The following FGF12 variants were observed in gnomAD, a reference collection of about 807,000 sequenced individuals.
The protein encoded by FGF12 is fibroblast growth factor 12B.
FGF12 carries 14 observed loss-of-function variants against 23.6 expected under a neutral mutation model. The observed-to-expected ratio is 0.59, with a 90% CI of 0.39 to 0.93. The LOEUF is 0.93. FGF12 is among the 40% of genes least tolerant of loss of function. The pLI, the probability that FGF12 is intolerant of heterozygous loss-of-function variation, is 0.00. For missense variants in FGF12, 175 were observed against 217.8 expected (o/e 0.80, Z 1.24); for synonymous variants, 62 against 77.3 (o/e 0.80, Z 1.04).
chr3:192,425,147 C>A (rs1560107451), intron 2 of FGF12, among the ~76,000 whole-genome samples: 1 of 152,184 alleles, frequency 6.6e-6, no homozygotes, highest in Non-Finnish European at 1.5e-5. Context: ...TGGGCACTTA[C>A]CACATGCCAA....
intron 2 of FGF12, among the ~76,000 whole-genome samples, chr3:192,604,637 C>T (rs543974108): frequency 6.6e-6 from 1 of 152,306 alleles, no homozygotes; most frequent in Non-Finnish European, 1.5e-5. Context: ...CTGCCCAGAG[C>T]AATCTACAGA....
intron 2 of FGF12, among the ~76,000 whole-genome samples, chr3:192,520,742 C>A (rs1295424329): frequency 1.3e-5 from 2 of 152,086 alleles, no homozygotes; most frequent in Non-Finnish European, 2.9e-5. Context: ...CCCTCATTAT[C>A]CCTCCTGGCC....
intron 3 of FGF12, among the ~76,000 whole-genome samples, chr3:192,337,273 G>C (rs973828569): frequency 6.6e-6 from 1 of 152,142 alleles, no homozygotes; most frequent in African/African-American, 2.4e-5. Flanking sequence ...AGTATTCATG[G>C]AATGCCTTAC....
At chr3:192,372,353 T>C (rs1379803547) in intron 2 of FGF12, among the ~76,000 whole-genome samples, 1 of 151,816 alleles carries the variant, frequency 6.6e-6, no homozygotes, top group Admixed American at 6.6e-5. Context: ...TTATTATGGT[T>C]GTTAAATGTG....
At chr3:192,706,525 T>C (rs1462082571) in intron 2 of FGF12, among the ~76,000 whole-genome samples, 8 of 152,088 alleles carry the variant, frequency 5.3e-5, no homozygotes, top group Non-Finnish European at 1.2e-4. Flanking sequence ...TTTACTCATC[T>C]AGAACTAACT....
chr3:192,716,163 G>T (rs1230941460), intron 2 of FGF12, among the ~76,000 whole-genome samples: 1 of 152,152 alleles, frequency 6.6e-6, no homozygotes, highest in African/African-American at 2.4e-5. Context: ...AAACTCAAAA[G>T]CCCGGGCTAA....
At chr3:192,483,320 T>C (rs1723533535) in intron 2 of FGF12, among the ~76,000 whole-genome samples, 1 of 152,188 alleles carries the variant, frequency 6.6e-6, no homozygotes, top group Non-Finnish European at 1.5e-5. Flanking sequence ...CACCACTAGC[T>C]GTCATCCTTC....
intron 4 of FGF12, among the ~76,000 whole-genome samples, chr3:192,263,070 CTATTT>C (rs1174322925): frequency 6.6e-6 from 1 of 152,000 alleles, no homozygotes; most frequent in East Asian, 1.9e-4. Flanking sequence ...ATTCTCTGAG[CTATTT>C]AAGCATAGGA....
At chr3:192,650,824 A>T (rs2108675848) in intron 2 of FGF12, among the ~76,000 whole-genome samples, 1 of 152,314 alleles carries the variant, frequency 6.6e-6, no homozygotes, top group Admixed American at 6.5e-5. Flanking sequence ...GAAAATTATG[A>T]CTTTACATAT....
chr3:192,652,235 T>C (rs971122047), intron 2 of FGF12, among the ~76,000 whole-genome samples: 11 of 152,206 alleles, frequency 7.2e-5, no homozygotes, highest in Admixed American at 5.2e-4. Flanking sequence ...CAATTCATCA[T>C]GTTCATGAGA....
chr3:192,461,249 C>T (rs1408827675), intron 2 of FGF12, among the ~76,000 whole-genome samples: 1 of 152,092 alleles, frequency 6.6e-6, no homozygotes, highest in South Asian at 2.1e-4. Flanking sequence ...AAAAAATGAT[C>T]CACATGCACA....
rs1178637161 is a variant in FGF12, at chr3:192,143,545, C to G, written c.*464G>C. 6.6e-6 allele frequency: 1 copy of G among 152,580 alleles called. No individual in the cohort carries two copies. The highest frequency in any genetic ancestry group is 1.5e-5 in the Non-Finnish European group (1 of 68,356). 9.5% of individuals were successfully genotyped at this position (152,580 alleles called of 1,614,324 possible). ...TGTAATGGTGTGTCAATTCCAGATG[C>G]CCAAATAAAATACAAAATCAAGCAA... On this transcript the variant is annotated 3_prime_UTR_variant, in exon 6 of 6. Coordinates refer to ENST00000445105, the MANE Select transcript of FGF12 (RefSeq NM_004113.6).
intron 2 of FGF12, among the ~76,000 whole-genome samples, chr3:192,621,690 CAAA>C (rs5855441): frequency 3.2e-4 from 30 of 94,370 alleles, no homozygotes; most frequent in East Asian, 1.1e-3. Flanking sequence ...GATACAAATA[CAAA>C]AAAAAAAAAA....
At chr3:192,425,628 C>T (rs897846988) in intron 2 of FGF12, among the ~76,000 whole-genome samples, 1 of 151,994 alleles carries the variant, frequency 6.6e-6, no homozygotes, top group Admixed American at 6.6e-5. Context: ...CTTATTGGGT[C>T]AAGAAAATAA....
chr3:192,283,869 C>T (rs954333786), intron 4 of FGF12, among the ~76,000 whole-genome samples: 3 of 152,086 alleles, frequency 2.0e-5, no homozygotes, highest in Non-Finnish European at 4.4e-5. Flanking sequence ...ACTTCTAAAA[C>T]AGAGCCCAGG....
chr3:192,625,040 T>A lies in FGF12; in HGVS notation c.13+102141A>T, dbSNP rs539595619. On this transcript the variant is annotated intron_variant, in intron 2 of 5. Coordinates refer to ENST00000445105, the MANE Select transcript of FGF12 (RefSeq NM_004113.6). ...AGCACATTAAAAGCTTTGTTATGTT[T>A]CAAATATATAGGATTTCATTTTATA... 2.6e-5 allele frequency among the ~76,000 whole-genome samples: 4 copies of A among 152,280 alleles called. No individual in the cohort carries two copies. The South Asian group carries it at 8.3e-4, about 32-fold the overall frequency.
chr3:192,544,829 C>G (rs1725456835), intron 2 of FGF12, among the ~76,000 whole-genome samples: 1 of 152,174 alleles, frequency 6.6e-6, no homozygotes, highest in African/African-American at 2.4e-5. Flanking sequence ...GGCACAGAAT[C>G]AGGGTACAGT....
At chr3:192,535,710 T>C (rs1434422707) in intron 2 of FGF12, among the ~76,000 whole-genome samples, 1 of 152,170 alleles carries the variant, frequency 6.6e-6, no homozygotes, top group African/African-American at 2.4e-5. Context: ...GCATACAACT[T>C]GCTGGTGGTT....
rs868478332 is a variant in FGF12 at position 192,618,243 on chromosome 3, G to A, written c.13+108938C>T. Among the ~76,000 whole-genome samples, 24 of 143,670 alleles carry A rather than the reference G, an allele frequency of 1.7e-4. No homozygotes were observed. The South Asian group carries it at 4.7e-3, about 28-fold the overall frequency. 94.3% of individuals were successfully genotyped at this position (143,670 alleles called of 152,430 possible). A position where few individuals can be genotyped will look rare whatever the true frequency, so the allele number is the denominator to read the frequency against. ...TTCTTTTATAAAGAGATATCATGGGGAACTAAAAAAAAAAAAAAAAAATTC... is the reference window on the plus strand; with the variant it reads ...TTCTTTTATAAAGAGATATCATGGGAAACTAAAAAAAAAAAAAAAAAATTC... On this transcript the variant is annotated intron_variant, in intron 2 of 5. Transcript: ENST00000445105.
Sources: gnomAD v4.1 joint callset for allele counts (sites outside exome capture counted in the v4.1 genomes callset) on GRCh38, gnomAD v4.1.1 for gene constraint, MANE v1.5 for transcripts, NCBI Gene and HGNC (gene_info 2026-07-23, HGNC 2026-07-21) for gene names.